The following TMCC2 variants were observed in gnomAD, a reference collection of about 807,000 sequenced individuals.
TMCC2 encodes the protein transmembrane and coiled-coil domain family 2, also known as transmembrane and coiled-coil domains protein 2.
Under a neutral mutation model 49.4 loss-of-function variants are expected in TMCC2, and 16 were observed. The observed-to-expected ratio is 0.32, with a 90% confidence interval of 0.22 to 0.49. TMCC2 has a LOEUF of 0.49. Among genes scored for constraint, TMCC2 ranks in the 20% least tolerant of loss-of-function variants. The probability of loss-of-function intolerance (pLI) is 0.99; values close to 1 mark genes in which losing one functional copy is unlikely to be tolerated. For missense variants in TMCC2, 762 were observed against 989.8 expected, an observed-to-expected ratio of 0.77 and a Z score of 3.09; for synonymous variants, 397 against 434.1, an observed-to-expected ratio of 0.91 and a Z score of 1.06.
chr1:205,265,622 C>T (rs1237854111), intron 2 of TMCC2, among the ~76,000 whole-genome samples: 6 of 149,516 alleles, frequency 4.0e-5, no homozygotes, highest in East Asian at 4.0e-4. Flanking sequence ...TGTGCAGTGG[C>T]GTGATCTCGG....
intron 2 of TMCC2, among the ~76,000 whole-genome samples, chr1:205,263,889 C>G (rs1389705951): frequency 1.3e-5 from 2 of 152,160 alleles, no homozygotes; most frequent in Non-Finnish European, 2.9e-5. Context: ...ACCCAGCCCT[C>G]CAAGGTGAGG....
chr1:205,232,595 TAGG>T (rs1222851654), intron 1 of TMCC2, among the ~76,000 whole-genome samples: 1 of 151,922 alleles, frequency 6.6e-6, no homozygotes, highest in Non-Finnish European at 1.5e-5. Flanking sequence ...AGGTGGGGCT[TAGG>T]GGAATACTGC....
intron 2 of TMCC2, among the ~76,000 whole-genome samples, chr1:205,265,946 A>C (rs959313397): frequency 6.6e-6 from 1 of 151,470 alleles, no homozygotes; most frequent in African/African-American, 2.4e-5. Flanking sequence ...GCTTTATAAG[A>C]GAGACAGGTT....
intron 1 of TMCC2, chr1:205,234,057 T>G (rs547810767): frequency 8.5e-5 from 13 of 152,184 alleles, no homozygotes; most frequent in Admixed American, 6.5e-4. Context: ...CCAGTAGATA[T>G]GTTAAGGCTT....
intron 2 of TMCC2, among the ~76,000 whole-genome samples, chr1:205,248,479 C>T (rs1000827480): frequency 6.6e-6 from 1 of 152,222 alleles, no homozygotes; most frequent in Non-Finnish European, 1.5e-5. Flanking sequence ...AGAAAAGTAA[C>T]TGCTCTCTAT....
intron 2 of TMCC2, 105 bp from the exon 3 acceptor site, chr1:205,268,845 C>A: frequency 3.6e-6 from 4 of 1,106,186 alleles, no homozygotes; most frequent in Non-Finnish European, 5.2e-6. Context: ...CTTTTGGACT[C>A]CTGCATCCAT....
At chr1:205,259,894 C>G (rs1661035083) in intron 2 of TMCC2, among the ~76,000 whole-genome samples, 1 of 151,254 alleles carries the variant, frequency 6.6e-6, no homozygotes, top group Non-Finnish European at 1.5e-5. Context: ...GTAGATCTCA[C>G]TGGAGCAGGA....
chr1:205,249,584 G>A (rs992013359), intron 2 of TMCC2, among the ~76,000 whole-genome samples: 4 of 152,202 alleles, frequency 2.6e-5, no homozygotes, highest in Non-Finnish European at 4.4e-5. Context: ...GGGCCCAGAC[G>A]GGCCACTCTG....
At chr1:205,247,966 C>T (rs552574904) in intron 2 of TMCC2, among the ~76,000 whole-genome samples, 231 of 152,222 alleles carry the variant, frequency 1.5e-3, no homozygotes, top group Middle Eastern at 6.8e-3. Flanking sequence ...CAGGGTGTGA[C>T]GGGGGACAGA....
chr1:205,229,991 C>A, intron 1 of TMCC2: 2 of 985,454 alleles, frequency 2.0e-6, no homozygotes, highest in Non-Finnish European at 2.4e-6. Context: ...GAAATTGATG[C>A]CTCACAGTTA....
chr1:205,269,735 T>G lies in TMCC2; in HGVS notation c.1533T>G (p.Gly511=). 1 of 1,614,138 alleles carries G rather than the reference T, an allele frequency of 6.2e-7. No homozygotes were observed. Among genetic ancestry groups the G allele is most frequent in the Non-Finnish European group, 8.5e-7 (1 of 1,180,012 alleles). Residue 511 remains glycine (G), a synonymous_variant, in exon 3 of 5, where the codon GGT becomes GGG. Coordinates refer to ENST00000358024, the MANE Select transcript of TMCC2 (RefSeq NM_014858.4). Reference sequence around the variant, plus strand: ...GCCCTAAGTCCAATGCACTGTATGGTGCTCCTGGAAACCTGGATGCTCTGC... The same window carrying G: ...GCCCTAAGTCCAATGCACTGTATGGGGCTCCTGGAAACCTGGATGCTCTGC... ...LGSPKSNALY[G]APGNLDALLE... is the part of the protein sequence containing the mutation.
intron 2 of TMCC2, chr1:205,256,084 CT>C (rs1235487162): frequency 1.3e-6 from 1 of 751,300 alleles, no homozygotes; most frequent in Non-Finnish European, 2.0e-6. Context: ...CTGGCACTGG[CT>C]CCCAGAGATA....
rs148196253 is a variant in TMCC2, at chr1:205,243,471, G to A, written c.747+1427G>A. 1.7e-3 allele frequency among the ~76,000 whole-genome samples: 261 copies of A among 152,336 alleles called. 5 individuals carry two copies. Among genetic ancestry groups the A allele is most frequent in the Non-Finnish European group, 3.1e-4 (21 of 68,022 alleles). On this transcript the variant is annotated intron_variant, in intron 2 of 4. Coordinates refer to ENST00000358024, the MANE Select transcript of TMCC2 (RefSeq NM_014858.4). ...TCAAGGAGACTTTGGAGCTAGTGCA[G>A]TAGTCTAGGCTGCAGCAGTGGGGAT...
At chr1:205,258,698 A>G (rs1224172527) in intron 2 of TMCC2, among the ~76,000 whole-genome samples, 1 of 152,216 alleles carries the variant, frequency 6.6e-6, no homozygotes, top group African/African-American at 2.4e-5. Flanking sequence ...CAAGGGTTGG[A>G]ATAATTTTTC....
At chr1:205,271,778 T>G in intron 4 of TMCC2, 35 bp from the exon 5 acceptor site, 1 of 1,592,544 alleles carries the variant, frequency 6.3e-7, no homozygotes, top group Non-Finnish European at 8.5e-7. Context: ...CTGCCCATCC[T>G]GAGCGCACAC....
At chr1:205,239,033 C>T (rs1010506218) in intron 1 of TMCC2, among the ~76,000 whole-genome samples, 1 of 152,202 alleles carries the variant, frequency 6.6e-6, no homozygotes, top group Non-Finnish European at 1.5e-5. Flanking sequence ...CTCCCCAGCA[C>T]CTCCACCAGC....
intron 2 of TMCC2, among the ~76,000 whole-genome samples, chr1:205,260,317 G>C (rs1446188388): frequency 2.0e-5 from 3 of 152,244 alleles, no homozygotes; most frequent in Non-Finnish European, 4.4e-5. Flanking sequence ...GAGAGGAGCA[G>C]TGGTTCCTGT....
chr1:205,271,779 G>A (rs774563462), intron 4 of TMCC2, 34 bp from the exon 5 acceptor site: 23 of 1,593,786 alleles, frequency 1.4e-5, no homozygotes, highest in Middle Eastern at 2.1e-4. Context: ...TGCCCATCCT[G>A]AGCGCACACA....
Position 205,241,664 on chromosome 1 carries a change from A to G in TMCC2, c.367A>G (p.Lys123Glu). The change falls in exon 2 of 5, where the codon AAG becomes GAG. Residue 123 changes from lysine to glutamate, a missense_variant. Lys to Glu is a moderately conservative substitution (Grantham distance 56). Coordinates refer to ENST00000358024, the MANE Select transcript of TMCC2 (RefSeq NM_014858.4). The surrounding 1 kb of genome is among the most constrained non-coding windows in gnomAD (Gnocchi z 7.3). Reference protein sequence around the residue: ...GMSDHDSPDEKERSPEMHRVS... With the variant: ...GMSDHDSPDEEERSPEMHRVS... Reference sequence around the variant, plus strand: ...GTCCGACCATGACTCCCCAGATGAGAAGGAGCGCTCTCCGGAGATGCATCG... The same window carrying G: ...GTCCGACCATGACTCCCCAGATGAGGAGGAGCGCTCTCCGGAGATGCATCG... 1 of 1,613,760 alleles carries G rather than the reference A, an allele frequency of 6.2e-7. No individual in the cohort carries two copies.
Sources: gnomAD v4.1 joint callset for allele counts (sites outside exome capture counted in the v4.1 genomes callset) on GRCh38, gnomAD v4.1.1 for gene constraint, Gnocchi (gnomAD v3.1) non-coding constraint, MANE v1.5 for transcripts, NCBI Gene and HGNC (gene_info 2026-07-23, HGNC 2026-07-21) for gene names.